Variants in DNAH17 observed in about 807,000 individuals in gnomAD.
DNAH17 encodes axonemal beta dynein heavy chain 17.
Under a neutral mutation model 485.6 loss-of-function variants are expected in DNAH17, and 376 were observed. The observed-to-expected ratio is 0.77, with a 90% CI of 0.71 to 0.84. DNAH17 has a LOEUF of 0.84. DNAH17 is among the 40% of genes least tolerant of loss of function. The pLI, the probability that DNAH17 is intolerant of heterozygous loss-of-function variation, is 0.00. For synonymous variants in DNAH17, 3,031 were observed against 2,405.9 expected (o/e 1.26, Z -7.60); for missense variants, 6,370 against 5,839.3 (o/e 1.09, Z -2.96).
Position 78,572,221 on chromosome 17 carries a change from C to T in DNAH17, c.540-439G>A, listed in dbSNP as rs139568614. ...AGGGCGGTTGCAAATTGTGGCAAGG[C>T]AGGTGCGAGGGGACACCTTGGAGTC... On this transcript the variant is annotated intron_variant, in intron 3 of 80. Coordinates refer to ENST00000389840, the MANE Select transcript of DNAH17 (RefSeq NM_173628.4). Among the ~76,000 whole-genome samples the T allele has an allele frequency of 3.4e-3, 513 of 151,210 alleles. 4 individuals carry two copies. The South Asian group carries it at 0.038, about 11-fold the overall frequency.
In DNAH17 at chr17:78,503,001, C is replaced by A. The variant is rs1214169827; in HGVS notation, c.4967G>T (p.Trp1656Leu). 6.2e-7 allele frequency: 1 copy of A among 1,613,486 alleles called. No individual in the cohort carries two copies. Among genetic ancestry groups the A allele is most frequent in the Non-Finnish European group, 8.5e-7 (1 of 1,179,782 alleles). ...CATTCGGTCCAGCACTCGATTCAGC[C>A]ACACTTCCACCTGGGGACGGGAGCC... is the stretch of plus-strand genomic sequence containing the variant. ...ECDLSGQVEV[W>L]LNRVLDRMCS... Residue 1656 changes from tryptophan (W) to leucine (L), a missense_variant, in exon 32 of 81, where the codon TGG becomes TTG. Transcript: ENST00000389840.
chr17:78,568,721 G>C (rs993054246), intron 9 of DNAH17, among the ~76,000 whole-genome samples: 8 of 152,152 alleles, frequency 5.3e-5, no homozygotes, highest in African/African-American at 1.7e-4. Flanking sequence ...AGAGTTCTGG[G>C]ATTACAGGTG....
rs149997789 is a variant in DNAH17 at position 78,469,488 on chromosome 17, G to A, written c.8512-605C>T. ...ACACAGGCCAGGTGCGGTGGCTCAT[G>A]CTTATAATTCTAGGGCTTTGGGAGG... On this transcript the variant is annotated intron_variant, in intron 54 of 80. Coordinates refer to ENST00000389840, the MANE Select transcript of DNAH17 (RefSeq NM_173628.4). Among the ~76,000 whole-genome samples, 40 of 152,310 alleles carry A rather than the reference G, an allele frequency of 2.6e-4. No individual in the cohort carries two copies. In the East Asian group the frequency reaches 6.9e-3, roughly 26 times the overall value.
At chr17:78,526,267 G>A (rs1220745915) in intron 24 of DNAH17, among the ~76,000 whole-genome samples, 1 of 152,228 alleles carries the variant, frequency 6.6e-6, no homozygotes, top group Non-Finnish European at 1.5e-5. Flanking sequence ...GGGAGAGATG[G>A]CAGGTGAGTA....
intron 9 of DNAH17, among the ~76,000 whole-genome samples, 169 bp downstream of exon 9, chr17:78,568,997 G>A (rs201774505): frequency 9.2e-5 from 14 of 152,180 alleles, no homozygotes; most frequent in Admixed American, 5.2e-4. Context: ...CTCTGGCCAC[G>A]GCAGATGCTG....
intron 20 of DNAH17, among the ~76,000 whole-genome samples, chr17:78,531,858 A>C (rs2091249165): frequency 6.6e-6 from 1 of 152,218 alleles, no homozygotes; most frequent in South Asian, 2.1e-4. Flanking sequence ...AGGTTATTAC[A>C]CTGACAGGTG....
rs180857462 is a variant in DNAH17, at chr17:78,430,024, C to T, written c.12226-724G>A. On this transcript the variant is annotated intron_variant, in intron 75 of 80. Coordinates refer to ENST00000389840, the MANE Select transcript of DNAH17 (RefSeq NM_173628.4). Reference sequence around the variant, plus strand: ...AGAGCACACGCCAGGCGACCACACGCTTCCCACCCCGCCGCCGTTCCCACT... The same window carrying T: ...AGAGCACACGCCAGGCGACCACACGTTTCCCACCCCGCCGCCGTTCCCACT... 2.2e-3 allele frequency among the ~76,000 whole-genome samples: 337 copies of T among 152,330 alleles called. 4 individuals are homozygous for T. Among genetic ancestry groups the T allele is most frequent in the African/African-American group, 7.8e-3 (325 of 41,578 alleles).
At chr17:78,465,926 G>A (rs1376601432) in intron 56 of DNAH17, among the ~76,000 whole-genome samples, 3 of 152,218 alleles carry the variant, frequency 2.0e-5, no homozygotes, top group Admixed American at 2.0e-4. Context: ...CCGTCTGGGA[G>A]GTGTGCCCAG....
rs376644093 is a variant in DNAH17, at chr17:78,437,643, G to C, written c.12031C>G (p.Gln4011Glu). The C allele has an allele frequency of 1.4e-4, 224 of 1,605,276 alleles. No homozygotes were observed. The highest frequency in any genetic ancestry group is 1.8e-4 in the Non-Finnish European group (215 of 1,175,512). The change falls in exon 74 of 81, where the codon CAG becomes GAG. Residue 4011 changes from glutamine to glutamate, a missense_variant and splice_region_variant. By Grantham distance (29) the Gln-to-Glu change is conservative. Transcript: ENST00000389840. The part of the protein sequence containing the change: ...NLHKALDLFT[Q>E]DTLEMCTKEM... ...AGCCCGAGCAGGCGTGGCCCTACCT[G>C]GGTGAACAGGTCCAGGGCCTTGTGC...
intron 25 of DNAH17, among the ~76,000 whole-genome samples, chr17:78,521,720 C>T (rs1006982488): frequency 6.6e-6 from 1 of 152,162 alleles, no homozygotes; most frequent in African/African-American, 2.4e-5. Flanking sequence ...GGCATGGTGG[C>T]TCACACCTGT....
At position 78,570,381 on chromosome 17, in the gene DNAH17, A is replaced by C. The variant is rs540641445; in HGVS notation, c.919-9T>G. On this transcript the variant is annotated splice_polypyrimidine_tract_variant and intron_variant, in intron 6 of 80. Transcript: ENST00000389840. The stretch of plus-strand genomic sequence containing the variant: ...GCAATGAAGGTGGGGAGCTGGGGGG[A>C]GACAGGCCCAGGCACACTGGAGGGG... 1.2e-6 allele frequency: 2 copies of C among 1,608,290 alleles called. No homozygotes were observed. Among genetic ancestry groups the C allele is most frequent in the East Asian group, 2.2e-5 (1 of 44,710 alleles).
intron 33 of DNAH17, 175 bp from the exon 34 acceptor site, chr17:78,502,048 G>T (rs2090315014): frequency 1.2e-6 from 1 of 813,490 alleles, no homozygotes; most frequent in East Asian, 2.8e-5. Flanking sequence ...CCAGGGTGCG[G>T]CCCTGATGGG....
At position 78,505,465 on chromosome 17, in the gene DNAH17, G is replaced by A. The variant is rs763540627; in HGVS notation, c.4804-20C>T. ...GCTCACCTGGGAGGAGGCAAGAAGC[G>A]GGAATTATGCAACGGGGGATTTGAA... On this transcript the variant is annotated intron_variant, in intron 30 of 80. Transcript: ENST00000389840. 1.1e-4 allele frequency: 182 copies of A among 1,613,832 alleles called. No homozygotes were observed. The highest frequency in any genetic ancestry group is 3.3e-4 in the Middle Eastern group (2 of 6,062).
At chr17:78,515,581 G>A (rs2090758877) in intron 25 of DNAH17, among the ~76,000 whole-genome samples, 1 of 152,256 alleles carries the variant, frequency 6.6e-6, no homozygotes, top group South Asian at 2.1e-4. Flanking sequence ...GGGCCCTGCT[G>A]TTGCTGGCCA....
At chr17:78,477,904 T>C (rs1353689750) in intron 51 of DNAH17, among the ~76,000 whole-genome samples, 2 of 149,686 alleles carry the variant, frequency 1.3e-5, no homozygotes, top group Non-Finnish European at 3.0e-5. Flanking sequence ...ACCACCATCA[T>C]CATTACCACA....
chr17:78,482,422 G>A (rs185433145), intron 48 of DNAH17, among the ~76,000 whole-genome samples: 8 of 152,284 alleles, frequency 5.3e-5, no homozygotes, highest in Non-Finnish European at 1.0e-4. Flanking sequence ...TTAATCCACT[G>A]TCAATTTTAT....
At chr17:78,549,528 T>C (rs1330092846) in intron 16 of DNAH17, among the ~76,000 whole-genome samples, 1 of 152,186 alleles carries the variant, frequency 6.6e-6, no homozygotes, top group East Asian at 1.9e-4. Context: ...ATTCCTTCCT[T>C]GGTGCCCAGA....
At position 78,510,124 on chromosome 17, in the gene DNAH17, G is replaced by A. The variant is rs996690015; in HGVS notation, c.4236+260C>T. 2.6e-5 allele frequency among the ~76,000 whole-genome samples: 4 copies of A among 152,242 alleles called. No individual in the cohort carries two copies. The South Asian group carries it at 8.3e-4, about 32-fold the overall frequency. On this transcript the variant is annotated intron_variant, in intron 27 of 80. Coordinates refer to ENST00000389840, the MANE Select transcript of DNAH17 (RefSeq NM_173628.4). ...TTGAACCCAGGAGGTGGAGGTTGCAGTGAGCCAAGATCGTGCCACTGCACT... is the reference window on the plus strand; with the variant it reads ...TTGAACCCAGGAGGTGGAGGTTGCAATGAGCCAAGATCGTGCCACTGCACT...
chr17:78,434,984 G>A (rs1305298101), intron 74 of DNAH17, among the ~76,000 whole-genome samples: 2 of 152,210 alleles, frequency 1.3e-5, no homozygotes, highest in Non-Finnish European at 2.9e-5. Context: ...GGTGGATCAA[G>A]AGCAGGGCCC....
Sources: allele counts gnomAD v4.1 joint callset (sites outside exome capture counted in the v4.1 genomes callset), GRCh38; gene constraint gnomAD v4.1.1; transcripts MANE v1.5; gene names NCBI Gene and HGNC (gene_info 2026-07-23, HGNC 2026-07-21).